Variants in PCDHA1 observed in about 807,000 individuals in gnomAD.
PCDHA1 encodes the protein protocadherin alpha 1.
Under a neutral mutation model 61.3 loss-of-function variants are expected in PCDHA1, and 42 were observed. The ratio of observed to expected loss-of-function variants is 0.69; its 90% CI spans 0.54 to 0.89. The LOEUF (loss-of-function observed/expected upper bound fraction) is 0.89. PCDHA1 is among the 40% of genes least tolerant of loss of function. The pLI is 0.00. For missense variants in PCDHA1, 1,256 were observed against 1,235.3 expected, an observed-to-expected ratio of 1.02 and a Z score of -0.25; for synonymous variants, 610 against 553.8, an observed-to-expected ratio of 1.10 and a Z score of -1.43.
At chr5:140,960,823 G>A (rs370898808) in intron 1 of PCDHA1, among the ~76,000 whole-genome samples, 2 of 152,012 alleles carry the variant, frequency 1.3e-5, no homozygotes, top group East Asian at 3.9e-4. Context: ...AGTGATGAAT[G>A]GAAACTTGGA....
At chr5:140,952,515 C>G (rs2094758109) in intron 1 of PCDHA1, among the ~76,000 whole-genome samples, 1 of 152,132 alleles carries the variant, frequency 6.6e-6, no homozygotes, top group Non-Finnish European at 1.5e-5. Context: ...TCATCTCCAT[C>G]TGAGACCTCC....
intron 1 of PCDHA1, chr5:140,967,704 G>A: frequency 6.2e-7 from 1 of 1,614,196 alleles, no homozygotes; most frequent in Non-Finnish European, 8.5e-7. Context: ...ATAGATGCCA[G>A]TACCGGGGAA....
chr5:140,830,347 G>A (rs1771011399), intron 1 of PCDHA1: 5 of 1,614,100 alleles, frequency 3.1e-6, no homozygotes, highest in Non-Finnish European at 2.5e-6. Context: ...CGTACTCGCA[G>A]CAGAGGCGGC....
At chr5:140,915,258 A>T (rs2077046977) in intron 1 of PCDHA1, among the ~76,000 whole-genome samples, 1 of 151,928 alleles carries the variant, frequency 6.6e-6, no homozygotes, top group South Asian at 2.1e-4. Context: ...GGTTGTTATT[A>T]TTTTTGACCA....
At chr5:140,897,356 C>T (rs1554187343) in intron 1 of PCDHA1, among the ~76,000 whole-genome samples, 1 of 134,770 alleles carries the variant, frequency 7.4e-6, no homozygotes, top group African/African-American at 2.8e-5. Flanking sequence ...ACAACTGTCC[C>T]CAGAGTGTGA....
chr5:140,797,028 C>T (rs782536289), intron 1 of PCDHA1: 1 of 1,613,732 alleles, frequency 6.2e-7, no homozygotes, highest in Non-Finnish European at 8.5e-7. Flanking sequence ...GCGCCGCGGG[C>T]TCAGAGGCTA....
intron 1 of PCDHA1, among the ~76,000 whole-genome samples, chr5:140,950,636 T>A (rs528587890): frequency 1.4e-3 from 206 of 152,222 alleles, no homozygotes; most frequent in Non-Finnish European, 2.4e-3. Flanking sequence ...TTTATTTTTA[T>A]CCTGTTTATG....
intron 1 of PCDHA1, among the ~76,000 whole-genome samples, chr5:140,938,974 G>T (rs534312375): frequency 6.6e-6 from 1 of 152,230 alleles, no homozygotes; most frequent in Non-Finnish European, 1.5e-5. Context: ...TGGCATCAAG[G>T]CTATCCTGGC....
chr5:140,967,212 C>T, intron 1 of PCDHA1: 1 of 1,613,630 alleles, frequency 6.2e-7, no homozygotes, highest in Middle Eastern at 1.6e-4. Flanking sequence ...CCGCGTTTCC[C>T]GCGGCCCAAC....
At chr5:140,965,639 C>G (rs781995485) in intron 1 of PCDHA1, among the ~76,000 whole-genome samples, 1 of 152,000 alleles carries the variant, frequency 6.6e-6, no homozygotes, top group Non-Finnish European at 1.5e-5. Flanking sequence ...TTTTAAATTA[C>G]TCTTGAAAGA....
At chr5:140,824,094 A>T in intron 1 of PCDHA1, 1 of 1,614,156 alleles carries the variant, frequency 6.2e-7, no homozygotes, top group Non-Finnish European at 8.5e-7. Context: ...CCTTCAGTCC[A>T]AGCCTTCCTC....
intron 1 of PCDHA1, chr5:140,969,386 C>G (rs782109093): frequency 6.3e-7 from 1 of 1,596,966 alleles, no homozygotes; most frequent in South Asian, 1.1e-5. Flanking sequence ...TACACATCCC[C>G]CAATATCCTG....
At chr5:140,920,662 G>A (rs2079759376) in intron 1 of PCDHA1, among the ~76,000 whole-genome samples, 1 of 152,044 alleles carries the variant, frequency 6.6e-6, no homozygotes, top group Admixed American at 6.6e-5. Context: ...TTGCCAACAT[G>A]GTGAAACCCC....
intron 1 of PCDHA1, chr5:140,851,974 C>T: frequency 3.1e-6 from 3 of 976,536 alleles, no homozygotes; most frequent in Non-Finnish European, 3.7e-6. Flanking sequence ...CACACTCTAC[C>T]TTTAGTGCAA....
chr5:140,955,234 G>C (rs1373509371), intron 1 of PCDHA1, among the ~76,000 whole-genome samples: 12 of 152,184 alleles, frequency 7.9e-5, no homozygotes, highest in Middle Eastern at 3.4e-3. Flanking sequence ...TTGTTCTTTT[G>C]CTTAGGATCG....
intron 1 of PCDHA1, chr5:140,800,887 C>G: frequency 5.9e-6 from 2 of 341,678 alleles, no homozygotes; most frequent in Non-Finnish European, 9.8e-6. Flanking sequence ...AATATAAGGA[C>G]TTTGAGGAGT....
intron 1 of PCDHA1, among the ~76,000 whole-genome samples, chr5:140,932,550 A>T (rs552367725): frequency 2.6e-5 from 4 of 152,058 alleles, no homozygotes; most frequent in Admixed American, 2.0e-4. Context: ...TTTAACATAC[A>T]TTCCACAAGT....
In PCDHA1 at chr5:140,786,721, A is replaced by C. The variant is rs201652084; in HGVS notation, c.431A>C (p.Glu144Ala). ...RGREQIIFIP[E>A]SRLLNSRFPI... is the part of the protein sequence containing the mutation. ...AGAGAACAAATAATATTTATTCCTG[A>C]ATCTAGACTCCTGAATTCGCGTTTT... Residue 144 changes from glutamate (E) to alanine (A), a missense_variant, in exon 1 of 4, where the codon GAA becomes GCA. Coordinates refer to ENST00000504120, the MANE Select transcript of PCDHA1 (RefSeq NM_018900.4). 8.9e-5 allele frequency: 143 copies of C among 1,614,074 alleles called. 1 individual carries two copies. The Middle Eastern group carries it at 1.2e-3, about 13-fold the overall frequency.
In PCDHA1 at chr5:140,787,856, C is replaced by G. The variant is rs1282161385; in HGVS notation, c.1566C>G (p.Pro522=). The change falls in exon 1 of 4, where the codon CCC becomes CCG. Residue 522 remains proline, a synonymous_variant. Coordinates refer to ENST00000504120, the MANE Select transcript of PCDHA1 (RefSeq NM_018900.4). Reference sequence around the variant, plus strand: ...GCGGCAAGGTGTACGCACTGCAGCCCCTGGACCACGAGGAGCTGGAGCTGC... The same window carrying G: ...GCGGCAAGGTGTACGCACTGCAGCCGCTGGACCACGAGGAGCTGGAGCTGC... ...AESGKVYALQ[P]LDHEELELLQ... 2.5e-6 allele frequency: 4 copies of G among 1,612,798 alleles called. No individual in the cohort carries two copies. The African/African-American group carries it at 4.0e-5, about 16-fold the overall frequency.
Sources: gnomAD v4.1 joint callset for allele counts (sites outside exome capture counted in the v4.1 genomes callset) on GRCh38, gnomAD v4.1.1 for gene constraint, MANE v1.5 for transcripts, NCBI Gene and HGNC (gene_info 2026-07-23, HGNC 2026-07-21) for gene names.